The following CBFA2T2 variants were observed in gnomAD, a reference collection of about 807,000 sequenced individuals.
CBFA2T2 encodes protein CBFA2T2.
CBFA2T2 carries 11 observed loss-of-function variants against 62.2 expected under a neutral mutation model. That is an observed-to-expected ratio of 0.18 (90% CI 0.11 to 0.29). The LOEUF is 0.29. Among genes scored for constraint, CBFA2T2 ranks in the 10% least tolerant of loss-of-function variants. The probability of loss-of-function intolerance (pLI) is 1.00; values close to 1 mark genes in which losing one functional copy is unlikely to be tolerated. For synonymous variants in CBFA2T2, 295 were observed against 287.5 expected, an observed-to-expected ratio of 1.03 and a Z score of -0.27; for missense variants, 592 against 774.1, an observed-to-expected ratio of 0.76 and a Z score of 2.79.
At chr20:33,576,640 C>T (rs2013838593) in intron 1 of CBFA2T2, among the ~76,000 whole-genome samples, 1 of 152,252 alleles carries the variant, frequency 6.6e-6, no homozygotes, top group African/African-American at 2.4e-5. Flanking sequence ...AATAACCTCT[C>T]CCAATTTTCT....
chr20:33,621,181 GAAA>G (rs1375602348), intron 4 of CBFA2T2, among the ~76,000 whole-genome samples: 1 of 151,142 alleles, frequency 6.6e-6, no homozygotes, highest in Non-Finnish European at 1.5e-5. Context: ...TCATTTAACA[GAAA>G]AACTGTATTC....
At chr20:33,561,677 C>T (rs2013096988) in intron 1 of CBFA2T2, among the ~76,000 whole-genome samples, 2 of 152,126 alleles carry the variant, frequency 1.3e-5, no homozygotes, top group South Asian at 2.1e-4. Context: ...ATTTTGGCGA[C>T]TCATTGTTGA....
chr20:33,543,435 A>G (rs1409179456), intron 1 of CBFA2T2, among the ~76,000 whole-genome samples: 1 of 152,240 alleles, frequency 6.6e-6, no homozygotes, highest in East Asian at 1.9e-4. Flanking sequence ...AATAGTTAAC[A>G]TTCAAGGCAG....
chr20:33,500,302 A>G (rs1023197567), intron 1 of CBFA2T2, among the ~76,000 whole-genome samples: 2 of 151,918 alleles, frequency 1.3e-5, no homozygotes, highest in Non-Finnish European at 2.9e-5. Flanking sequence ...TCTTTTTGCT[A>G]GACTAGGGGT....
At chr20:33,559,753 T>C (rs1041663737) in intron 1 of CBFA2T2, among the ~76,000 whole-genome samples, 3 of 152,222 alleles carry the variant, frequency 2.0e-5, no homozygotes, top group African/African-American at 7.2e-5. Flanking sequence ...CCTAAAGTGC[T>C]GGGATTACAG....
At chr20:33,554,935 G>T (rs984817429) in intron 1 of CBFA2T2, among the ~76,000 whole-genome samples, 3 of 152,092 alleles carry the variant, frequency 2.0e-5, no homozygotes, top group African/African-American at 7.2e-5. Context: ...ACTTAAAAAT[G>T]TTCAGAATTG....
At chr20:33,563,561 G>A (rs1256726706) in intron 1 of CBFA2T2, among the ~76,000 whole-genome samples, 1 of 151,994 alleles carries the variant, frequency 6.6e-6, no homozygotes, top group East Asian at 1.9e-4. Context: ...TTCGAATCTA[G>A]GCTTCCTTTC....
intron 1 of CBFA2T2, among the ~76,000 whole-genome samples, chr20:33,513,702 T>C (rs1368301717): frequency 6.8e-6 from 1 of 147,406 alleles, no homozygotes; most frequent in African/African-American, 2.5e-5. Flanking sequence ...TAATCCCAGC[T>C]ACTTGGGAGG....
chr20:33,551,619 T>C (rs2012744229), intron 1 of CBFA2T2, among the ~76,000 whole-genome samples: 1 of 152,024 alleles, frequency 6.6e-6, no homozygotes, highest in Non-Finnish European at 1.5e-5. Flanking sequence ...CAACCTCCAC[T>C]TCCTGGGTTA....
rs199805350 is a variant in CBFA2T2 at position 33,621,287 on chromosome 20, C to CTTTTTTTTTTTTTTTTT, written c.510+1691_510+1707dup. Among the ~76,000 whole-genome samples, 107 of 85,292 alleles carry CTTTTTTTTTTTTTTTTT rather than the reference C, an allele frequency of 1.3e-3. 7 individuals are homozygous for CTTTTTTTTTTTTTTTTT. The highest frequency in any genetic ancestry group is 1.6e-3 in the South Asian group (4 of 2,460). 56.0% of individuals were successfully genotyped at this position (85,292 alleles called of 152,430 possible). Reference sequence around the variant, plus strand: ...TCTATAATACCTTTAATTTTACTGCCTTTTTTTTTTTTTTTTTTTTTTTTT... The same window carrying CTTTTTTTTTTTTTTTTT: ...TCTATAATACCTTTAATTTTACTGCCTTTTTTTTTTTTTTTTTTTTTTTTTTTTTTTTTTTTTTTTTT... On this transcript the variant is annotated intron_variant, in intron 4 of 10. Transcript: ENST00000342704.
chr20:33,575,755 A>G (rs78053129), intron 1 of CBFA2T2, among the ~76,000 whole-genome samples: 2,218 of 152,206 alleles, frequency 0.015, 30 homozygotes, highest in Middle Eastern at 0.044. Context: ...ACAATATGAC[A>G]AATGACATCA....
rs562897390 is a variant in CBFA2T2, at chr20:33,574,482, A to G, written c.35-32474A>G. 3.9e-5 allele frequency among the ~76,000 whole-genome samples: 6 copies of G among 152,272 alleles called. No individual in the cohort carries two copies. The East Asian group carries it at 1.2e-3, about 29-fold the overall frequency. On this transcript the variant is annotated intron_variant, in intron 1 of 10. Transcript: ENST00000342704. Reference sequence around the variant, plus strand: ...CTCTACTAAAAATACAGAATTAGCCAGGCGTGGTGGCACATGCCTGTAATC... The same window carrying G: ...CTCTACTAAAAATACAGAATTAGCCGGGCGTGGTGGCACATGCCTGTAATC...
chr20:33,629,957 T>C, intron 8 of CBFA2T2, 43 bp downstream of exon 8: 1 of 1,516,946 alleles, frequency 6.6e-7, no homozygotes, highest in Non-Finnish European at 8.9e-7. Flanking sequence ...AATGTCAGCC[T>C]TTAGAGCCCA....
intron 8 of CBFA2T2, among the ~76,000 whole-genome samples, chr20:33,633,218 A>C (rs2016515449): frequency 6.6e-6 from 1 of 152,036 alleles, no homozygotes; most frequent in Non-Finnish European, 1.5e-5. Flanking sequence ...TAAAAACAAA[A>C]AAAGTTAGCC....
Position 33,645,922 on chromosome 20 carries a change from A to G in CBFA2T2, c.*1276A>G, listed in dbSNP as rs1244272039. 1 of 152,126 alleles carries G rather than the reference A, an allele frequency of 6.6e-6. No individual in the cohort carries two copies. The highest frequency in any genetic ancestry group is 2.4e-5 in the African/African-American group (1 of 41,424). The allele number at this position is 152,126 out of a possible 1,614,324, so 9.4% of individuals were successfully genotyped here. On this transcript the variant is annotated 3_prime_UTR_variant, in exon 11 of 11. Coordinates refer to ENST00000342704, the MANE Select transcript of CBFA2T2 (RefSeq NM_001032999.3). ...TTTCTTCCTAGCTTCCCATTTTCAA[A>G]TGGGACATCACTCATATCCCTTTCA...
chr20:33,544,602 T>C (rs532972036), intron 1 of CBFA2T2, among the ~76,000 whole-genome samples: 2 of 152,134 alleles, frequency 1.3e-5, no homozygotes, highest in East Asian at 1.9e-4. Context: ...GGCTGGAGCG[T>C]AGTGGCGCGA....
intron 1 of CBFA2T2, among the ~76,000 whole-genome samples, chr20:33,563,128 G>A (rs146313353): frequency 1.4e-3 from 211 of 152,242 alleles, no homozygotes; most frequent in African/African-American, 4.8e-3. Context: ...ACTAAAAGAG[G>A]TTGAAGCAAA....
intron 1 of CBFA2T2, among the ~76,000 whole-genome samples, chr20:33,584,316 A>G (rs1315840034): frequency 6.8e-6 from 1 of 146,760 alleles, no homozygotes; most frequent in Non-Finnish European, 1.5e-5. Flanking sequence ...CCCAGGCTGG[A>G]ATACAGTGAT....
At chr20:33,573,416 G>A (rs1428563552) in intron 1 of CBFA2T2, among the ~76,000 whole-genome samples, 8 of 152,066 alleles carry the variant, frequency 5.3e-5, no homozygotes, top group Non-Finnish European at 1.2e-4. Flanking sequence ...GATGATGGAT[G>A]TAAGTGTTCA....
Sources: gnomAD v4.1 joint callset for allele counts (sites outside exome capture counted in the v4.1 genomes callset) on GRCh38, gnomAD v4.1.1 for gene constraint, MANE v1.5 for transcripts, NCBI Gene and HGNC (gene_info 2026-07-23, HGNC 2026-07-21) for gene names.